CFAP54: variants seen among roughly 807,000 people sequenced by gnomAD.
The protein encoded by CFAP54 is cilia- and flagella-associated protein 54.
Under a neutral mutation model 370.4 loss-of-function variants are expected in CFAP54, and 290 were observed. That is an observed-to-expected ratio of 0.78 (90% CI 0.71 to 0.86). The LOEUF (loss-of-function observed/expected upper bound fraction) is 0.86. CFAP54 is among the 40% of genes least tolerant of loss of function. The pLI is 0.00. For synonymous variants in CFAP54, 1,206 were observed against 1,236.5 expected, an observed-to-expected ratio of 0.98 and a Z score of 0.52; for missense variants, 3,399 against 3,528.7, an observed-to-expected ratio of 0.96 and a Z score of 0.93.
chr12:96,521,374 G>A (rs10507072), intron 6 of CFAP54, among the ~76,000 whole-genome samples: 14,145 of 152,128 alleles, frequency 0.093, 1,145 homozygotes, highest in East Asian at 0.45. Flanking sequence ...AGTGTGCTGC[G>A]TATTGGAGAC....
At chr12:96,612,444 G>T (rs1956368566) in intron 26 of CFAP54, among the ~76,000 whole-genome samples, 1 of 152,184 alleles carries the variant, frequency 6.6e-6, no homozygotes, top group Admixed American at 6.5e-5. Context: ...ATGCCAAATT[G>T]TAAAGACCAT....
At chr12:96,731,359 G>A (rs577103530) in intron 50 of CFAP54, among the ~76,000 whole-genome samples, 9 of 152,324 alleles carry the variant, frequency 5.9e-5, no homozygotes, top group African/African-American at 1.4e-4. Context: ...GAAAGCTATG[G>A]TTGACTTGAA....
chr12:96,538,511 C>T lies in CFAP54; in HGVS notation c.1919C>T (p.Thr640Ile). The change falls in exon 13 of 68, where the codon ACT (threonine) becomes ATT (isoleucine). Residue 640 changes from threonine (T) to isoleucine (I), a missense_variant. Transcript: ENST00000524981. The stretch of plus-strand genomic sequence containing the variant: ...GCAAAATTCACCCAGAAAATCAGTA[C>T]TAACAAAGTATTCCTTTCGCATTCC... ...DYAKFTQKIS[T>I]NKWIYLLWQI... The T allele has an allele frequency of 6.5e-7, 1 of 1,535,914 alleles. No homozygotes were observed. Among genetic ancestry groups the T allele is most frequent in the Non-Finnish European group, 8.7e-7 (1 of 1,146,740 alleles).
intron 51 of CFAP54, among the ~76,000 whole-genome samples, chr12:96,740,991 AT>A (rs912937160): frequency 4.6e-5 from 7 of 152,184 alleles, no homozygotes; most frequent in African/African-American, 1.7e-4. Context: ...CCTGATTGAG[AT>A]TAATGTGACC....
intron 9 of CFAP54, among the ~76,000 whole-genome samples, chr12:96,529,737 T>C (rs1180381552): frequency 6.6e-6 from 1 of 152,226 alleles, no homozygotes; most frequent in Admixed American, 6.5e-5. Context: ...AATTCCTTTA[T>C]TGAATACATG....
At chr12:96,527,205 C>T in intron 8 of CFAP54, 41 bp from the exon 9 acceptor site, 2 of 1,469,056 alleles carry the variant, frequency 1.4e-6, no homozygotes, top group Non-Finnish European at 1.8e-6. Flanking sequence ...AATATAATAG[C>T]TTTAACAAAT....
At chr12:96,848,959 T>G (rs1659057437) in intron 66 of CFAP54, among the ~76,000 whole-genome samples, 1 of 152,190 alleles carries the variant, frequency 6.6e-6, no homozygotes, top group African/African-American at 2.4e-5. Flanking sequence ...GGTATTGGGA[T>G]TTTCTTAATC....
chr12:96,677,123 C>T (rs1957219119), intron 39 of CFAP54, among the ~76,000 whole-genome samples: 1 of 152,008 alleles, frequency 6.6e-6, no homozygotes, highest in African/African-American at 2.4e-5. Flanking sequence ...CCACTTCAGC[C>T]TCCCAAGTAG....
intron 39 of CFAP54, among the ~76,000 whole-genome samples, chr12:96,677,764 A>G (rs1957228078): frequency 6.6e-6 from 1 of 152,192 alleles, no homozygotes; most frequent in Admixed American, 6.5e-5. Flanking sequence ...GGAAACAATT[A>G]CTTCTGTCAA....
chr12:96,688,653 G>T (rs1371182247), intron 42 of CFAP54, among the ~76,000 whole-genome samples: 3 of 152,024 alleles, frequency 2.0e-5, no homozygotes, highest in Non-Finnish European at 2.9e-5. Context: ...GTATGTATAT[G>T]TTTCTCCGTG....
intron 6 of CFAP54, among the ~76,000 whole-genome samples, chr12:96,520,941 C>T (rs1167699570): frequency 6.6e-6 from 1 of 152,182 alleles, no homozygotes; most frequent in Non-Finnish European, 1.5e-5. Context: ...CTAATTTAAC[C>T]TTCACGGGTT....
At chr12:96,601,741 C>T (rs1275272932) in intron 26 of CFAP54, among the ~76,000 whole-genome samples, 1 of 152,182 alleles carries the variant, frequency 6.6e-6, no homozygotes, top group Non-Finnish European at 1.5e-5. Flanking sequence ...AGTTTATTTG[C>T]ATAGAGGTGT....
chr12:96,539,682 AT>A (rs1302871980), intron 13 of CFAP54, among the ~76,000 whole-genome samples: 14 of 152,116 alleles, frequency 9.2e-5, no homozygotes, highest in Admixed American at 7.9e-4. Context: ...CTCAAAAAAA[AT>A]AAATAAAAAT....
chr12:96,804,470 A>T (rs1958856413), intron 63 of CFAP54, among the ~76,000 whole-genome samples: 1 of 152,188 alleles, frequency 6.6e-6, no homozygotes, highest in Non-Finnish European at 1.5e-5. Context: ...ATTTCTATAT[A>T]CCAATAATGA....
intron 36 of CFAP54, 151 bp downstream of exon 36, chr12:96,651,966 A>G (rs1229548604): frequency 4.4e-5 from 27 of 607,800 alleles, no homozygotes; most frequent in East Asian, 3.4e-4. Context: ...TTTACAATAT[A>G]TAACTTGCAT....
chr12:96,527,490 T>A, intron 9 of CFAP54, 46 bp downstream of exon 9: 2 of 1,327,310 alleles, frequency 1.5e-6, no homozygotes, highest in South Asian at 1.7e-5. Context: ...ATGATACACA[T>A]GAGTAACAAA....
At chr12:96,520,062 C>T (rs188312912) in intron 6 of CFAP54, among the ~76,000 whole-genome samples, 3 of 152,188 alleles carry the variant, frequency 2.0e-5, no homozygotes, top group Non-Finnish European at 2.9e-5. Context: ...GAATCTTGCT[C>T]TGTTGCCCAG....
intron 52 of CFAP54, among the ~76,000 whole-genome samples, chr12:96,742,960 C>G (rs534171738): frequency 6.6e-6 from 1 of 152,272 alleles, no homozygotes; most frequent in East Asian, 1.9e-4. Context: ...TGCCAAGTCT[C>G]TTAAATCCCC....
intron 50 of CFAP54, among the ~76,000 whole-genome samples, chr12:96,725,240 G>A (rs1957817373): frequency 1.3e-5 from 2 of 150,890 alleles, no homozygotes; most frequent in Admixed American, 6.6e-5. Context: ...GATGGGGATG[G>A]CATTGAATCT....
Sources: gnomAD v4.1 joint callset for allele counts (sites outside exome capture counted in the v4.1 genomes callset) on GRCh38, gnomAD v4.1.1 for gene constraint, MANE v1.5 for transcripts, NCBI Gene and HGNC (gene_info 2026-07-23, HGNC 2026-07-21) for gene names.